Variants in DIPK1A observed in about 807,000 individuals in gnomAD.
DIPK1A encodes the protein family with sequence similarity 69 member A.
A neutral mutation model predicts 40.8 loss-of-function variants in DIPK1A; 27 were observed. The ratio of observed to expected loss-of-function variants is 0.66; its 90% CI spans 0.49 to 0.91. The LOEUF (loss-of-function observed/expected upper bound fraction) is 0.91. Among genes scored for constraint, DIPK1A ranks in the 40% least tolerant of loss-of-function variants. The probability of loss-of-function intolerance (pLI) is 0.00; values close to 1 mark genes in which losing one functional copy is unlikely to be tolerated. For synonymous variants in DIPK1A, 166 were observed against 171.3 expected (o/e 0.97, Z 0.24); for missense variants, 412 against 505.7 (o/e 0.81, Z 1.78).
At chr1:92,942,623 A>G (rs6604032) in intron 1 of DIPK1A, among the ~76,000 whole-genome samples, 150,799 of 152,284 alleles carry the variant, frequency 0.99, 74,679 homozygotes, top group Middle Eastern at 1. Context: ...TAATTATCTC[A>G]CCTTATTTTA....
chr1:92,932,852 T>C (rs1463103200), intron 1 of DIPK1A: 3 of 152,166 alleles, frequency 2.0e-5, no homozygotes, highest in African/African-American at 4.8e-5. Flanking sequence ...GATAACATAA[T>C]GGTGAACACA....
chr1:92,891,287 C>T (rs1468663137), intron 1 of DIPK1A, among the ~76,000 whole-genome samples: 1 of 150,556 alleles, frequency 6.6e-6, no homozygotes, highest in Admixed American at 6.6e-5. Context: ...TTTCATTGAT[C>T]TTTTGTGGTT....
At chr1:92,870,629 ATAC>A (rs1327610906) in intron 2 of DIPK1A, among the ~76,000 whole-genome samples, 1 of 152,224 alleles carries the variant, frequency 6.6e-6, no homozygotes, top group Non-Finnish European at 1.5e-5. Context: ...GGGTTTAAAT[ATAC>A]TACATCTGAT....
intron 2 of DIPK1A, among the ~76,000 whole-genome samples, chr1:92,853,892 G>A (rs949675894): frequency 2.0e-5 from 3 of 151,380 alleles, no homozygotes; most frequent in Non-Finnish European, 4.4e-5. Context: ...ATTTTTTTTT[G>A]TTTTGTTTTT....
chr1:92,937,201 C>A (rs550332538), intron 1 of DIPK1A, among the ~76,000 whole-genome samples: 1 of 152,252 alleles, frequency 6.6e-6, no homozygotes, highest in South Asian at 2.1e-4. Context: ...TGGCTCATAT[C>A]TGTAATCCCA....
chr1:92,901,609 C>A (rs2811590), intron 1 of DIPK1A, among the ~76,000 whole-genome samples: 104,072 of 151,850 alleles, frequency 0.69, 36,176 homozygotes, highest in East Asian at 0.95. Context: ...TGAGCCAATA[C>A]GGCTCAGTAA....
intron 1 of DIPK1A, among the ~76,000 whole-genome samples, chr1:92,887,712 T>C (rs1362394896): frequency 1.3e-5 from 2 of 152,198 alleles, no homozygotes; most frequent in Non-Finnish European, 2.9e-5. Flanking sequence ...GGTAACTAAC[T>C]GATACTGGAG....
chr1:92,858,831 T>A (rs902952719), intron 2 of DIPK1A, among the ~76,000 whole-genome samples: 2 of 152,256 alleles, frequency 1.3e-5, no homozygotes, highest in African/African-American at 4.8e-5. Flanking sequence ...TTTTGTTGTT[T>A]TTCAGGCACA....
At chr1:92,937,307 A>T (rs1479771234) in intron 1 of DIPK1A, among the ~76,000 whole-genome samples, 9 of 65,038 alleles carry the variant, frequency 1.4e-4, no homozygotes, top group Middle Eastern at 8.6e-3. Flanking sequence ...AAAAATATTA[A>T]AAAAAAATAG....
downstream of DIPK1A, chr1:92,841,632 C>T (rs1285879742): frequency 1.9e-6 from 1 of 532,160 alleles, no homozygotes. Flanking sequence ...TGTATTTGAA[C>T]TTGGATTATT....
intron 1 of DIPK1A, among the ~76,000 whole-genome samples, chr1:92,917,508 C>T (rs957912383): frequency 5.3e-5 from 8 of 152,076 alleles, no homozygotes; most frequent in African/African-American, 1.2e-4. Flanking sequence ...TTTTCAGTTA[C>T]GAAAACAGCA....
intron 2 of DIPK1A, among the ~76,000 whole-genome samples, chr1:92,851,277 C>T (rs1224983300): frequency 3.3e-5 from 5 of 152,104 alleles, no homozygotes; most frequent in Non-Finnish European, 7.4e-5. Context: ...GGCACCGTGG[C>T]TCACGCTTGT....
intron 1 of DIPK1A, among the ~76,000 whole-genome samples, chr1:92,925,759 G>A (rs2100862048): frequency 6.6e-6 from 1 of 152,226 alleles, no homozygotes; most frequent in East Asian, 1.9e-4. Context: ...CTCCCAAAGT[G>A]TTGGGATTAC....
At chr1:92,874,451 C>T (rs984932120) in intron 2 of DIPK1A, among the ~76,000 whole-genome samples, 5 of 152,138 alleles carry the variant, frequency 3.3e-5, no homozygotes, top group Non-Finnish European at 7.4e-5. Flanking sequence ...CTAAAAGAAC[C>T]TAAGAAGTCC....
At chr1:92,886,949 C>CA (rs1396556322) in intron 1 of DIPK1A, among the ~76,000 whole-genome samples, 5 of 151,788 alleles carry the variant, frequency 3.3e-5, no homozygotes, top group Non-Finnish European at 5.9e-5. Flanking sequence ...GCCAACAAAG[C>CA]AAAAAATATT....
At chr1:92,960,353 A>C (rs1476928862) in intron 1 of DIPK1A, among the ~76,000 whole-genome samples, 6 of 152,196 alleles carry the variant, frequency 3.9e-5, no homozygotes, top group Non-Finnish European at 4.4e-5. Context: ...AATTTATAAA[A>C]GCACCAGCTG....
Position 92,942,954 on chromosome 1 carries a change from C to A in DIPK1A, c.54+18422G>T, listed in dbSNP as rs1284307367. Among the ~76,000 whole-genome samples the A allele has an allele frequency of 2.6e-5, 4 of 152,330 alleles. No homozygotes were observed. The East Asian group carries it at 7.7e-4, about 29-fold the overall frequency. ...TTGGGAATACAGGCCTGGGCCACTG[C>A]GCCCAGCTAATTTGTTAATTATGTA... On this transcript the variant is annotated intron_variant, in intron 1 of 4. Coordinates refer to ENST00000370310, the MANE Select transcript of DIPK1A (RefSeq NM_001006605.5).
intron 1 of DIPK1A, among the ~76,000 whole-genome samples, chr1:92,898,751 G>C (rs1266450589): frequency 6.6e-6 from 1 of 151,984 alleles, no homozygotes; most frequent in East Asian, 1.9e-4. Flanking sequence ...CCAAAGTGCT[G>C]GGATTACAGG....
At chr1:92,840,811 TCA>T, downstream of DIPK1A, 1 of 727,704 alleles carries the variant, frequency 1.4e-6, no homozygotes, top group South Asian at 1.4e-5. Context: ...TGTGTTAGCC[TCA>T]GACACTACTG....
Sources: gnomAD v4.1 joint callset for allele counts (sites outside exome capture counted in the v4.1 genomes callset) on GRCh38, gnomAD v4.1.1 for gene constraint, MANE v1.5 for transcripts, NCBI Gene and HGNC (gene_info 2026-07-23, HGNC 2026-07-21) for gene names.